TUBGCP6: variants seen among roughly 807,000 people sequenced by gnomAD.
TUBGCP6 encodes the protein tubulin gamma complex component 6, also known as gamma-tubulin complex component 6.
Under a neutral mutation model 175.8 loss-of-function variants are expected in TUBGCP6, and 161 were observed. The ratio of observed to expected loss-of-function variants is 0.92; its 90% confidence interval spans 0.81 to 1.04. TUBGCP6 has a LOEUF of 1.04. Among genes scored for constraint, TUBGCP6 ranks in the 50% least tolerant of loss-of-function variants. The probability of loss-of-function intolerance (pLI) is 0.00; values close to 1 mark genes in which losing one functional copy is unlikely to be tolerated. For synonymous variants in TUBGCP6, 1,173 were observed against 1,030.5 expected (o/e 1.14, Z -2.65); for missense variants, 2,572 against 2,433.0 (o/e 1.06, Z -1.20).
chr22:50,232,527 C>A (rs1474005511), intron 3 of TUBGCP6, among the ~76,000 whole-genome samples: 2 of 151,866 alleles, frequency 1.3e-5, no homozygotes, highest in Non-Finnish European at 2.9e-5. Context: ...CCACTGCACT[C>A]CAGCCTGGGC....
chr22:50,225,730 C>A, intron 10 of TUBGCP6, 64 bp downstream of exon 10: 2 of 1,555,742 alleles, frequency 1.3e-6, no homozygotes, highest in Non-Finnish European at 1.7e-6. Flanking sequence ...GCCCCACCAA[C>A]CTGAGACCCC....
At chr22:50,229,327 C>G in intron 4 of TUBGCP6, 77 bp downstream of exon 4, 1 of 1,505,628 alleles carries the variant, frequency 6.6e-7, no homozygotes, top group Non-Finnish European at 9.1e-7. Flanking sequence ...TGCAGAAGGA[C>G]CTCTGAGATT....
intron 9 of TUBGCP6, 36 bp downstream of exon 9, chr22:50,226,014 G>T (rs780530030): frequency 6.2e-7 from 1 of 1,613,480 alleles, no homozygotes. Context: ...AGGGAAGACC[G>T]GCCCCTCTCT....
chr22:50,223,475 T>A (rs2064559087), intron 13 of TUBGCP6: 1 of 153,594 alleles, frequency 6.5e-6, no homozygotes, highest in Non-Finnish European at 1.4e-5. Flanking sequence ...GCAGATGCTG[T>A]GCTGGACAAA....
At chr22:50,231,626 G>A (rs932401400) in intron 3 of TUBGCP6, among the ~76,000 whole-genome samples, 8 of 152,136 alleles carry the variant, frequency 5.3e-5, no homozygotes, top group African/African-American at 9.7e-5. Flanking sequence ...TTGGGAGGCC[G>A]AGACGGGCGG....
rs374905114 is a variant in TUBGCP6 at position 50,220,277 on chromosome 22, G to A, written c.4082C>T (p.Pro1361Leu). Residue 1361 changes from proline to leucine, a missense_variant, in exon 16 of 25, where the codon CCG (proline) becomes CTG (leucine). Physicochemically the swap from Pro to Leu is moderately conservative, Grantham distance 98. Coordinates refer to ENST00000248846, the MANE Select transcript of TUBGCP6 (RefSeq NM_020461.4). ...APTQPWWPNTPGDSVSEELGP... is the reference protein window; with the variant it reads ...APTQPWWPNTLGDSVSEELGP... The stretch of plus-strand genomic sequence containing the variant: ...TAGTTCTTCAGAGACACTGTCTCCC[G>A]GGGTGTTGGGCCACCATGGTTGGGT... 3.4e-5 allele frequency: 53 copies of A among 1,570,362 alleles called. No individual in the cohort carries two copies. In the East Asian group the frequency reaches 4.5e-4, roughly 13 times the overall value.
chr22:50,218,148 G>A (rs2064449215), intron 23 of TUBGCP6, 31 bp from the exon 24 acceptor site: 3 of 1,610,336 alleles, frequency 1.9e-6, no homozygotes, highest in Non-Finnish European at 2.5e-6. Flanking sequence ...TGGGTGGGCT[G>A]AGCCGTGACC....
chr22:50,227,176 G>A (rs766664405), intron 5 of TUBGCP6, 99 bp from the exon 6 acceptor site: 28 of 1,109,714 alleles, frequency 2.5e-5, no homozygotes, highest in Non-Finnish European at 3.2e-5. Context: ...TATGCTCCCT[G>A]GGGCAACTAA....
intron 1 of TUBGCP6, among the ~76,000 whole-genome samples, chr22:50,242,405 G>A (rs201333443): frequency 6.6e-6 from 1 of 152,308 alleles, no homozygotes; most frequent in East Asian, 1.9e-4. Context: ...GCTGAGGCAG[G>A]AGAATCGCTT....
rs768743463 is a variant in TUBGCP6, at chr22:50,218,627, G to C, written c.4822-7C>G. 1.9e-6 allele frequency: 3 copies of C among 1,613,776 alleles called. No homozygotes were observed. The highest frequency in any genetic ancestry group is 1.1e-5 in the South Asian group (1 of 91,096). On this transcript the variant is annotated splice_region_variant and splice_polypyrimidine_tract_variant and intron_variant, in intron 21 of 24. Coordinates refer to ENST00000248846, the MANE Select transcript of TUBGCP6 (RefSeq NM_020461.4). The stretch of plus-strand genomic sequence containing the variant: ...TGTTGAGAGGCCAGTCCACCTGCCA[G>C]GAGGCGTGGCTCAGCAGGCATCCCA...
At chr22:50,235,918 C>A (rs2064773135) in intron 2 of TUBGCP6, among the ~76,000 whole-genome samples, 1 of 140,472 alleles carries the variant, frequency 7.1e-6, no homozygotes, top group Non-Finnish European at 1.5e-5. Flanking sequence ...CCAGCTTGAG[C>A]AACAGAGCAA....
chr22:50,226,005 G>C, intron 9 of TUBGCP6, 45 bp downstream of exon 9: 2 of 1,613,398 alleles, frequency 1.2e-6, no homozygotes, highest in Non-Finnish European at 1.7e-6. Flanking sequence ...CTCAGCCCCA[G>C]GGAAGACCGG....
At chr22:50,227,295 C>T (rs2064626876) in intron 5 of TUBGCP6, among the ~76,000 whole-genome samples, 1 of 152,132 alleles carries the variant, frequency 6.6e-6, no homozygotes, top group South Asian at 2.1e-4. Flanking sequence ...ACACACCCCA[C>T]TGAAGTACCC....
intron 1 of TUBGCP6, among the ~76,000 whole-genome samples, chr22:50,241,339 G>A (rs1016520816): frequency 1.6e-4 from 25 of 152,094 alleles, no homozygotes; most frequent in African/African-American, 5.1e-4. Flanking sequence ...ATTACCTAGC[G>A]GACCTTGGTC....
chr22:50,219,365 CTCA>C lies in TUBGCP6; in HGVS notation c.4404_4406del (p.Asp1468del), dbSNP rs775493612. 1 of 1,586,330 alleles carries C rather than the reference CTCA, an allele frequency of 6.3e-7. No individual in the cohort carries two copies. Among genetic ancestry groups the C allele is most frequent in the Non-Finnish European group, 8.6e-7 (1 of 1,167,522 alleles). On this transcript the variant is annotated inframe_deletion, in exon 19 of 25. Coordinates refer to ENST00000248846, the MANE Select transcript of TUBGCP6 (RefSeq NM_020461.4). ...GCAACTCGCTCAGCTGCACAGCAGT[CTCA>C]TCAGCGGCAGACTGGACCTGGGGGT...
rs377282869 is a variant in TUBGCP6, at chr22:50,218,081, G to A, written c.5205C>T (p.Asn1735=). Residue 1735 remains asparagine (N), a synonymous_variant, in exon 24 of 25, where the codon AAC becomes AAT. Coordinates refer to ENST00000248846, the MANE Select transcript of TUBGCP6 (RefSeq NM_020461.4). ...CGAGGCTGAAGATGCTGTGGATGAC[G>A]TTCATGACGGGCGCCGCCTTCTCCG... The part of the protein sequence containing the change: ...LLTEKAAPVM[N]VIHSIFSLVL... 5.6e-6 allele frequency: 9 copies of A among 1,613,232 alleles called. No homozygotes were observed. The South Asian group carries it at 6.6e-5, about 12-fold the overall frequency.
In TUBGCP6 at chr22:50,221,514, G is replaced by A. The variant is rs1453422589; in HGVS notation, c.2845C>T (p.Gln949Ter). ...AAASTQPSRP[Q>*]EYDFSTVLRP... ...AGGACAGTACTAAAGTCGTACTCCTGTGGCCTGGAGGGCTGAGTGCTGGCT... is the reference window on the plus strand; with the variant it reads ...AGGACAGTACTAAAGTCGTACTCCTATGGCCTGGAGGGCTGAGTGCTGGCT... Residue 949 changes from glutamine to a stop codon, truncating the protein, a stop_gained, in exon 16 of 25, where the codon CAG becomes TAG. Coordinates refer to ENST00000248846, the MANE Select transcript of TUBGCP6 (RefSeq NM_020461.4). LOFTEE classifies it high-confidence loss of function. 2 of 1,584,400 alleles carry A rather than the reference G, an allele frequency of 1.3e-6. No individual in the cohort carries two copies. Among genetic ancestry groups the A allele is most frequent in the African/African-American group, 1.3e-5 (1 of 74,456 alleles).
chr22:50,228,135 G>C, intron 4 of TUBGCP6, 107 bp from the exon 5 acceptor site: 1 of 1,317,244 alleles, frequency 7.6e-7, no homozygotes, highest in East Asian at 2.9e-5. Flanking sequence ...TCTTGCCTCA[G>C]CTCTGGGCTC....
At position 50,220,829 on chromosome 22, in the gene TUBGCP6, T is replaced by C. The variant is rs1357676553; in HGVS notation, c.3530A>G (p.Asp1177Gly). 6.2e-7 allele frequency: 1 copy of C among 1,602,892 alleles called. No individual in the cohort carries two copies. The highest frequency in any genetic ancestry group is 1.1e-5 in the South Asian group (1 of 90,016). The change falls in exon 16 of 25, where the codon GAC (aspartate) becomes GGC (glycine). Residue 1177 changes from aspartate (D) to glycine (G), a missense_variant. Asp to Gly is a moderately conservative substitution (Grantham distance 94, BLOSUM62 -1). Transcript: ENST00000248846. ...CCACCGTGGCCGGGCGGGAGCCATG[T>C]CTGACACAGACTCCCCCAAGCTGAT... ...ASISLGESVSDMAPARPRWNT... is the reference protein window; with the variant it reads ...ASISLGESVSGMAPARPRWNT...
Sources: gnomAD v4.1 joint callset for allele counts (sites outside exome capture counted in the v4.1 genomes callset) on GRCh38, gnomAD v4.1.1 for gene constraint, MANE v1.5 for transcripts, NCBI Gene and HGNC (gene_info 2026-07-23, HGNC 2026-07-21) for gene names.